Variants in ATG4A observed in about 807,000 individuals in gnomAD.
ATG4A encodes autophagy related 4A cysteine peptidase, also known as cysteine protease ATG4A.
Under a neutral mutation model 38.4 loss-of-function variants are expected in ATG4A, and 22 were observed. The observed-to-expected ratio is 0.57, with a 90% CI of 0.41 to 0.82. ATG4A has a LOEUF of 0.82. Ranked by LOEUF, ATG4A falls within the 40% of genes least tolerant of loss-of-function variation. ATG4A has a pLI of 0.00. For synonymous variants in ATG4A, 86 were observed against 100.7 expected, an observed-to-expected ratio of 0.85 and a Z score of 0.88; for missense variants, 220 against 290.0, an observed-to-expected ratio of 0.76 and a Z score of 1.75.
At chrX:108,103,301 G>A (rs1981942210) in intron 1 of ATG4A, among the ~76,000 whole-genome samples, 1 of 111,527 alleles carries the variant, frequency 9.0e-6, no homozygotes, top group African/African-American at 3.3e-5. Flanking sequence ...GGACATATGT[G>A]TGCTAGCACC....
chrX:108,152,022 A>C, intron 11 of ATG4A, 164 bp downstream of exon 11: 1 of 490,088 alleles, frequency 2.0e-6, no homozygotes, highest in Non-Finnish European at 3.2e-6. Flanking sequence ...GGAATTGTGC[A>C]TAACTTCGGG....
At chrX:108,142,318 A>T (rs1450932083) in intron 9 of ATG4A, among the ~76,000 whole-genome samples, 1 of 110,622 alleles carries the variant, frequency 9.0e-6, no homozygotes, top group Non-Finnish European at 1.9e-5. Flanking sequence ...TGGGATGGGG[A>T]TCGCTTCCAA....
At chrX:108,135,518 T>G (rs12396932) in intron 6 of ATG4A, among the ~76,000 whole-genome samples, 44,585 of 110,412 alleles carry the variant, frequency 0.4, 6,952 homozygotes, top group Non-Finnish European at 0.47. Flanking sequence ...CTGTATTGAC[T>G]TTACTCCTTC....
chrX:108,146,943 G>T (rs1293689990), intron 9 of ATG4A, among the ~76,000 whole-genome samples: 1 of 112,157 alleles, frequency 8.9e-6, no homozygotes, highest in Non-Finnish European at 1.9e-5. Flanking sequence ...ATCCAACTCT[G>T]TGTTCTTTCC....
At chrX:108,106,183 G>T (rs1203834022) in intron 1 of ATG4A, among the ~76,000 whole-genome samples, 1 of 109,664 alleles carries the variant, frequency 9.1e-6, no homozygotes, top group Admixed American at 9.7e-5. Context: ...TTTGACCAAC[G>T]GATTATTTAG....
At chrX:108,114,790 G>T in intron 1 of ATG4A, among the ~76,000 whole-genome samples, 1 of 110,201 alleles carries the variant, frequency 9.1e-6, no homozygotes, top group Admixed American at 9.5e-5. Flanking sequence ...TTAAAATTAA[G>T]TGTCATTTTG....
At position 108,131,771 on chromosome X, in the gene ATG4A, T is replaced by G. The variant is rs561229865; in HGVS notation, c.292+413T>G. Among the ~76,000 whole-genome samples, 5 of 112,184 alleles carry G rather than the reference T, an allele frequency of 4.5e-5. No homozygotes were observed. In the South Asian group the frequency reaches 1.9e-3, roughly 42 times the overall value. On this transcript the variant is annotated intron_variant, in intron 4 of 12. Coordinates refer to ENST00000372232, the MANE Select transcript of ATG4A (RefSeq NM_052936.5). ...AAGGATGTAAGTGACCTAAAGGAAGTGCATAGAGGGAGCTGGCGCTATTTT... is the reference window on the plus strand; with the variant it reads ...AAGGATGTAAGTGACCTAAAGGAAGGGCATAGAGGGAGCTGGCGCTATTTT...
chrX:108,092,253 C>T (rs1431598732), intron 1 of ATG4A, among the ~76,000 whole-genome samples: 1 of 111,821 alleles, frequency 8.9e-6, no homozygotes. Context: ...TCTAAGAGAC[C>T]TCGGTGAGTC....
upstream of ATG4A, chrX:108,091,529 C>T: frequency 1.7e-6 from 2 of 1,201,792 alleles, no homozygotes; most frequent in Non-Finnish European, 2.3e-6. Flanking sequence ...ATTTCGCTGT[C>T]CCAGCAACTA....
intron 9 of ATG4A, among the ~76,000 whole-genome samples, chrX:108,144,851 C>T (rs754281509): frequency 8.9e-6 from 1 of 112,290 alleles, no homozygotes; most frequent in South Asian, 3.7e-4. Context: ...TATAATCGCA[C>T]ATATGGCCGT....
rs186784228 is a variant in ATG4A, at chrX:108,152,040, A to G, written c.1017+182A>G. ...ATTGTGCATAACTTCGGGGAAACTG[A>G]ACAAAAATTTTGGTTTGAAATATGC... On this transcript the variant is annotated intron_variant, in intron 11 of 12. Transcript: ENST00000372232. 860 of 400,680 alleles carry G rather than the reference A, an allele frequency of 2.1e-3. 1 individual carries two copies. The highest frequency in any genetic ancestry group is 3.2e-3 in the Non-Finnish European group (774 of 239,429). 33.0% of individuals were successfully genotyped at this position (400,680 alleles called of 1,213,427 possible).
At chrX:108,106,423 T>C (rs753424190) in intron 1 of ATG4A, among the ~76,000 whole-genome samples, 2 of 112,456 alleles carry the variant, frequency 1.8e-5, no homozygotes, top group South Asian at 7.3e-4. Flanking sequence ...AACTGTCAAA[T>C]ATAATTTAGA....
At chrX:108,128,732 G>T in intron 2 of ATG4A, 49 bp from the exon 3 acceptor site, 1 of 871,150 alleles carries the variant, frequency 1.1e-6, no homozygotes, top group South Asian at 2.7e-5. Context: ...AGTAAAGGTG[G>T]GTATTTTTAG....
chrX:108,102,782 ATT>A (rs375570909), intron 1 of ATG4A, among the ~76,000 whole-genome samples: 7 of 100,176 alleles, frequency 7.0e-5, no homozygotes, highest in African/African-American at 2.2e-4. Flanking sequence ...TACTAGCACC[ATT>A]TTTTTTTTTC....
chrX:108,094,809 C>T (rs1366857801), intron 1 of ATG4A, among the ~76,000 whole-genome samples: 1 of 112,398 alleles, frequency 8.9e-6, no homozygotes, highest in Non-Finnish European at 1.9e-5. Flanking sequence ...TGCTCAATTG[C>T]ACAGTTAAAG....
chrX:108,102,033 G>A (rs760005878), intron 1 of ATG4A, among the ~76,000 whole-genome samples: 1 of 111,218 alleles, frequency 9.0e-6, no homozygotes, highest in South Asian at 3.8e-4. Context: ...ATGAACATAG[G>A]AGTACAAATA....
At chrX:108,142,310 G>C (rs1228373784) in intron 9 of ATG4A, among the ~76,000 whole-genome samples, 1 of 110,754 alleles carries the variant, frequency 9.0e-6, no homozygotes. Flanking sequence ...TGGAAGGCTG[G>C]GATGGGGATC....
In ATG4A at chrX:108,137,075, A is replaced by T. The variant is rs765354592; in HGVS notation, c.468-16A>T. 8 of 1,192,513 alleles carry T rather than the reference A, an allele frequency of 6.7e-6. No individual in the cohort carries two copies. The South Asian group carries it at 1.4e-4, about 21-fold the overall frequency. On this transcript the variant is annotated splice_polypyrimidine_tract_variant and intron_variant, in intron 6 of 12. Coordinates refer to ENST00000372232, the MANE Select transcript of ATG4A (RefSeq NM_052936.5). ...CATCTTCCCAAATTGTGACTTCATT[A>T]TACATTGCTTTGCAGAAAACTTGCT...
chrX:108,130,947 G>T (rs1222300480), intron 3 of ATG4A, among the ~76,000 whole-genome samples: 1 of 111,373 alleles, frequency 9.0e-6, no homozygotes, highest in Non-Finnish European at 1.9e-5. Context: ...ACTAAGGGTT[G>T]GTATTCATAC....
Sources: allele counts gnomAD v4.1 joint callset (sites outside exome capture counted in the v4.1 genomes callset), GRCh38; gene constraint gnomAD v4.1.1; transcripts MANE v1.5; gene names NCBI Gene and HGNC (gene_info 2026-07-23, HGNC 2026-07-21).